Variants in BTBD7 observed in about 807,000 individuals in gnomAD.
BTBD7 encodes the protein BTB/POZ domain-containing protein 7.
BTBD7 carries 38 observed loss-of-function variants against 99.9 expected under a neutral mutation model. That is an observed-to-expected ratio of 0.38 (90% CI 0.29 to 0.50). The LOEUF (loss-of-function observed/expected upper bound fraction) is 0.50. Ranked by LOEUF, BTBD7 falls within the 20% of genes least tolerant of loss-of-function variation. The pLI, the probability that BTBD7 is intolerant of heterozygous loss-of-function variation, is 0.93. For synonymous variants in BTBD7, 520 were observed against 511.4 expected (o/e 1.02, Z -0.23); for missense variants, 1,170 against 1,394.6 (o/e 0.84, Z 2.57).
intron 3 of BTBD7, 38 bp from the exon 4 acceptor site, chr14:93,264,031 A>C: frequency 1.3e-6 from 2 of 1,561,424 alleles, no homozygotes; most frequent in Non-Finnish European, 1.8e-6. Flanking sequence ...GATTAATCAT[A>C]AATATTACTT....
intron 10 of BTBD7, chr14:93,244,389 G>A (rs1348676305): frequency 5.6e-5 from 10 of 179,860 alleles, no homozygotes; most frequent in South Asian, 1.0e-4. Flanking sequence ...AGTGGCCCAC[G>A]CCTGTAATCC....
chr14:93,307,823 T>C (rs2053088416), intron 1 of BTBD7, among the ~76,000 whole-genome samples: 1 of 152,164 alleles, frequency 6.6e-6, no homozygotes, highest in African/African-American at 2.4e-5. Context: ...CACCACATAA[T>C]ACAGTACCTG....
intron 7 of BTBD7, among the ~76,000 whole-genome samples, chr14:93,251,988 A>G (rs1481400980): frequency 6.6e-6 from 1 of 152,184 alleles, no homozygotes; most frequent in Non-Finnish European, 1.5e-5. Flanking sequence ...CAAATCCAAC[A>G]AAGTGCTCAA....
intron 1 of BTBD7, among the ~76,000 whole-genome samples, chr14:93,311,939 TTAAG>T (rs34733270): frequency 0.019 from 2,676 of 144,592 alleles, 41 homozygotes; most frequent in South Asian, 0.079. Context: ...AATTAAACAT[TTAAG>T]TGAGTATAAA....
chr14:93,253,623 C>T (rs374793072), intron 7 of BTBD7, 24 bp downstream of exon 7: 6 of 1,600,506 alleles, frequency 3.7e-6, no homozygotes, highest in Non-Finnish European at 5.1e-6. Flanking sequence ...AAGTAGTCTA[C>T]TATCTTCAAA....
chr14:93,279,954 A>G (rs1406860594), intron 3 of BTBD7, among the ~76,000 whole-genome samples: 2 of 152,204 alleles, frequency 1.3e-5, no homozygotes, highest in African/African-American at 4.8e-5. Context: ...AAACTAGGAC[A>G]GCAGCTGTTC....
chr14:93,253,801 A>AT lies in BTBD7; in HGVS notation c.1609-12dup, dbSNP rs770555681. Reference sequence around the variant, plus strand: ...CAAGCCTCTTTTCATCTAAAAAAAAATTTTTTTTTTAGATAGAAATCTGTG... The same window carrying AT: ...CAAGCCTCTTTTCATCTAAAAAAAAATTTTTTTTTTTAGATAGAAATCTGTG... On this transcript the variant is annotated splice_polypyrimidine_tract_variant and intron_variant, in intron 6 of 10. Transcript: ENST00000334746. The AT allele has an allele frequency of 1.7e-3, 2,400 of 1,403,510 alleles. No individual in the cohort carries two copies. Among genetic ancestry groups the AT allele is most frequent in the South Asian group, 4.1e-3 (283 of 69,468 alleles). 86.9% of individuals were successfully genotyped at this position (1,403,510 alleles called of 1,614,324 possible).
At chr14:93,314,478 T>C (rs1226002827) in intron 1 of BTBD7, among the ~76,000 whole-genome samples, 2 of 152,138 alleles carry the variant, frequency 1.3e-5, no homozygotes, top group Non-Finnish European at 2.9e-5. Context: ...GTTGCAAAAA[T>C]ATGGCCACAC....
At chr14:93,270,384 C>T (rs1200185786) in intron 3 of BTBD7, among the ~76,000 whole-genome samples, 2 of 152,148 alleles carry the variant, frequency 1.3e-5, no homozygotes, top group Non-Finnish European at 2.9e-5. Flanking sequence ...GCGTGAGCCA[C>T]TGCGCCTGGC....
chr14:93,258,385 AT>A (rs1005221271), intron 5 of BTBD7, among the ~76,000 whole-genome samples: 1 of 151,410 alleles, frequency 6.6e-6, no homozygotes, highest in Admixed American at 6.6e-5. Flanking sequence ...TTTTCAAAAT[AT>A]TTTTTTTTCT....
rs765888349 is a variant in BTBD7, at chr14:93,242,532, G to A, written c.3140C>T (p.Ala1047Val). Residue 1047 changes from alanine to valine, a missense_variant, in exon 11 of 11, where the codon GCT becomes GTT. Transcript: ENST00000334746. ...SDFPLAAPEN[A>V]STGPAHVRGR... The stretch of plus-strand genomic sequence containing the variant: ...CCTGACATGGGCTGGACCGGTACTA[G>A]CATTTTCTGGGGCTGCCAAAGGAAA... The A allele has an allele frequency of 6.2e-7, 1 of 1,614,242 alleles. No individual in the cohort carries two copies. The highest frequency in any genetic ancestry group is 2.2e-5 in the East Asian group (1 of 44,884).
At chr14:93,265,055 C>G (rs1282893166) in intron 3 of BTBD7, among the ~76,000 whole-genome samples, 1 of 152,146 alleles carries the variant, frequency 6.6e-6, no homozygotes, top group Non-Finnish European at 1.5e-5. Flanking sequence ...TGTCTGAAAT[C>G]GTGTCACTAC....
intron 3 of BTBD7, among the ~76,000 whole-genome samples, chr14:93,289,601 T>C (rs1162075100): frequency 2.0e-5 from 3 of 152,232 alleles, no homozygotes; most frequent in Non-Finnish European, 2.9e-5. Context: ...CTTAGGTATC[T>C]TTGTCTCTTT....
intron 3 of BTBD7, among the ~76,000 whole-genome samples, chr14:93,268,756 C>CT (rs61483726): frequency 0.045 from 5,500 of 120,888 alleles, 264 homozygotes; most frequent in Admixed American, 0.13. Flanking sequence ...TAACTTAGAC[C>CT]TTTTTTTTTT....
intron 3 of BTBD7, among the ~76,000 whole-genome samples, chr14:93,282,519 GATGGGGTTTC>G: frequency 6.6e-6 from 1 of 152,142 alleles, no homozygotes; most frequent in East Asian, 1.9e-4. Flanking sequence ...TTTTAGTAGA[GATGGGGTTTC>G]ACAATGTTGG....
At chr14:93,314,033 C>T (rs984969662) in intron 1 of BTBD7, among the ~76,000 whole-genome samples, 2 of 152,074 alleles carry the variant, frequency 1.3e-5, no homozygotes, top group African/African-American at 4.8e-5. Context: ...AAGCATGAGC[C>T]ACCTCACCTG....
At chr14:93,288,803 T>C in intron 3 of BTBD7, 1 of 1,518,048 alleles carries the variant, frequency 6.6e-7, no homozygotes, top group Non-Finnish European at 8.8e-7. Context: ...TCTGTAAGTG[T>C]ATATACTTTT....
intron 1 of BTBD7, among the ~76,000 whole-genome samples, chr14:93,302,767 C>T (rs1243768788): frequency 1.3e-5 from 2 of 152,046 alleles, no homozygotes; most frequent in Non-Finnish European, 2.9e-5. Context: ...ATCGCTTGAA[C>T]CCAGGAGGAC....
intron 1 of BTBD7, among the ~76,000 whole-genome samples, chr14:93,330,821 C>G (rs1019322326): frequency 6.6e-6 from 1 of 152,194 alleles, no homozygotes; most frequent in African/African-American, 2.4e-5. Context: ...TATAAAAATG[C>G]TGTGACTCAA....
Sources: gnomAD v4.1 joint callset for allele counts (sites outside exome capture counted in the v4.1 genomes callset) on GRCh38, gnomAD v4.1.1 for gene constraint, MANE v1.5 for transcripts, NCBI Gene and HGNC (gene_info 2026-07-23, HGNC 2026-07-21) for gene names.